Variants in RFX7 observed in about 807,000 individuals in gnomAD.
RFX7 encodes regulatory factor X7, also known as DNA-binding protein RFX7.
RFX7 carries 26 observed loss-of-function variants against 111.8 expected under a neutral mutation model. That is an observed-to-expected ratio of 0.23 (90% CI 0.17 to 0.32). The LOEUF (loss-of-function observed/expected upper bound fraction) is 0.32. RFX7 is among the 10% of genes least tolerant of loss of function. RFX7 has a pLI of 1.00. For missense variants in RFX7, 1,573 were observed against 1,772.9 expected (o/e 0.89, Z 2.02); for synonymous variants, 624 against 624.4 (o/e 1.00, Z 0.01).
intron 5 of RFX7, among the ~76,000 whole-genome samples, chr15:56,135,689 C>A (rs2042291207): frequency 6.6e-6 from 1 of 151,998 alleles, no homozygotes; most frequent in Non-Finnish European, 1.5e-5. Context: ...AAGTCCTTGC[C>A]CATGCCTATG....
chr15:56,094,890 G>T lies in RFX7; in HGVS notation c.2838C>A (p.His946Gln), dbSNP rs775476795. Residue 946 changes from histidine (H) to glutamine (Q), a missense_variant, in exon 10 of 10, where the codon CAC becomes CAA. His to Gln is a conservative substitution (Grantham distance 24, BLOSUM62 0). Around this residue, in one of 7 missense-constraint regions of RFX7, gnomAD observed 625 missense variants for 632.2 expected, o/e 0.99. Coordinates refer to ENST00000559447, the MANE Select transcript of RFX7 (RefSeq NM_022841.7). ...TGGGTGTGGGTGTGGGTGTGGGTGT[G>T]TGGATTGGAGTGCCATTGCTGTGGA... ...HPIHSNGTPI[H>Q]TPTPTPTPTP... 3 of 1,563,710 alleles carry T rather than the reference G, an allele frequency of 1.9e-6. No homozygotes were observed. The Admixed American group carries it at 5.7e-5, about 30-fold the overall frequency.
chr15:56,155,904 G>A (rs1249168269), intron 3 of RFX7, among the ~76,000 whole-genome samples: 4 of 151,922 alleles, frequency 2.6e-5, no homozygotes, highest in African/African-American at 7.3e-5. Context: ...TTATCAGAAT[G>A]GGGTATGGGC....
intron 2 of RFX7, among the ~76,000 whole-genome samples, chr15:56,232,609 C>T (rs563044878): frequency 3.9e-5 from 6 of 152,280 alleles, no homozygotes; most frequent in South Asian, 2.1e-4. Flanking sequence ...TCTAATACAT[C>T]GTCAGGCTGC....
At chr15:56,158,833 C>T (rs936310022) in intron 3 of RFX7, among the ~76,000 whole-genome samples, 1 of 151,964 alleles carries the variant, frequency 6.6e-6, no homozygotes, top group African/African-American at 2.4e-5. Context: ...AACAAAACAA[C>T]CCACCCCCAA....
chr15:56,108,439 A>G (rs1455656833), intron 5 of RFX7, among the ~76,000 whole-genome samples: 1 of 152,254 alleles, frequency 6.6e-6, no homozygotes, highest in Non-Finnish European at 1.5e-5. Context: ...AACAGAACCA[A>G]TGACAAAAAC....
chr15:56,182,698 A>G (rs2042988236), intron 2 of RFX7, among the ~76,000 whole-genome samples: 5 of 152,138 alleles, frequency 3.3e-5, no homozygotes, highest in Admixed American at 2.6e-4. Flanking sequence ...AACTACTAAA[A>G]ATTATCCCAT....
chr15:56,213,489 T>G (rs1363749810), intron 2 of RFX7, among the ~76,000 whole-genome samples: 6 of 152,186 alleles, frequency 3.9e-5, no homozygotes, highest in African/African-American at 1.4e-4. Flanking sequence ...ACAAAAGCTT[T>G]AGAAATGGGG....
At position 56,088,219 on chromosome 15, in the gene RFX7, A is replaced by G. The variant is rs770910018; in HGVS notation, c.*5126T>C. On this transcript the variant is annotated 3_prime_UTR_variant, in exon 10 of 10. Transcript: ENST00000559447. The stretch of plus-strand genomic sequence containing the variant: ...TGCAGTAGGTACACTGTGAACACAT[A>G]TCTTAAGTATAGCATAATGGTATGA... 1.3e-5 allele frequency: 2 copies of G among 158,344 alleles called. No individual in the cohort carries two copies. The highest frequency in any genetic ancestry group is 2.8e-5 in the Non-Finnish European group (2 of 71,746). The allele number at this position is 158,344 out of a possible 1,614,324, so 9.8% of individuals were successfully genotyped here. A position where few individuals can be genotyped will look rare whatever the true frequency, so the allele number is the denominator to read the frequency against.
intron 2 of RFX7, among the ~76,000 whole-genome samples, chr15:56,212,766 AAT>A (rs552031313): frequency 9.1e-4 from 139 of 152,346 alleles, no homozygotes; most frequent in African/African-American, 3.1e-3. Flanking sequence ...ATATGTTAAA[AAT>A]AGAGTATGTT....
At chr15:56,110,382 C>A (rs1415640618) in intron 5 of RFX7, among the ~76,000 whole-genome samples, 1 of 117,632 alleles carries the variant, frequency 8.5e-6, no homozygotes, top group Non-Finnish European at 1.9e-5. Flanking sequence ...GGGGGGTCAG[C>A]CCCCCGCCCG....
intron 2 of RFX7, among the ~76,000 whole-genome samples, chr15:56,197,362 T>C (rs563154011): frequency 6.6e-6 from 1 of 152,322 alleles, no homozygotes; most frequent in African/African-American, 2.4e-5. Context: ...TTTATTTTAA[T>C]ATAGTCAAAT....
intron 2 of RFX7, among the ~76,000 whole-genome samples, chr15:56,179,988 C>A (rs1019729821): frequency 3.3e-5 from 5 of 151,958 alleles, no homozygotes; most frequent in Non-Finnish European, 7.4e-5. Flanking sequence ...ACAAATGAAG[C>A]CAGTATAAAA....
intron 2 of RFX7, among the ~76,000 whole-genome samples, chr15:56,240,729 G>T (rs2043680248): frequency 6.6e-6 from 1 of 152,044 alleles, no homozygotes; most frequent in South Asian, 2.1e-4. Context: ...TGGCACCAAA[G>T]GATGATTCAG....
chr15:56,198,682 G>T (rs774937101), intron 2 of RFX7, among the ~76,000 whole-genome samples: 4 of 152,076 alleles, frequency 2.6e-5, no homozygotes, highest in Non-Finnish European at 4.4e-5. Flanking sequence ...TAGCCATAAG[G>T]ACACTGATTC....
chr15:56,177,060 TTTTC>T (rs1207960899), intron 3 of RFX7, among the ~76,000 whole-genome samples: 1 of 152,158 alleles, frequency 6.6e-6, no homozygotes, highest in Non-Finnish European at 1.5e-5. Context: ...CTGCTTGAAC[TTTTC>T]TATCATTCTC....
intron 2 of RFX7, among the ~76,000 whole-genome samples, chr15:56,189,572 A>C (rs2043079554): frequency 6.6e-6 from 1 of 152,226 alleles, no homozygotes. Flanking sequence ...CAATTAATAA[A>C]GAGCAAACAA....
chr15:56,242,488 T>C (rs1049336661), intron 2 of RFX7, among the ~76,000 whole-genome samples: 1 of 152,174 alleles, frequency 6.6e-6, no homozygotes, highest in Non-Finnish European at 1.5e-5. Context: ...TGATTCCCTA[T>C]ATTTTAATTT....
At chr15:56,174,886 G>C (rs1195089131) in intron 3 of RFX7, among the ~76,000 whole-genome samples, 1 of 152,122 alleles carries the variant, frequency 6.6e-6, no homozygotes, top group East Asian at 1.9e-4. Flanking sequence ...TATGGTGAAT[G>C]AATCACTGTT....
chr15:56,160,996 G>A (rs527826301), intron 3 of RFX7, among the ~76,000 whole-genome samples: 28 of 152,070 alleles, frequency 1.8e-4, no homozygotes, highest in Non-Finnish European at 3.2e-4. Flanking sequence ...CTGTATTATC[G>A]TGAGGATTTG....
Sources: allele counts gnomAD v4.1 joint callset (sites outside exome capture counted in the v4.1 genomes callset), GRCh38; gene constraint gnomAD v4.1.1; regional missense constraint gnomAD v4.1.1; transcripts MANE v1.5; gene names NCBI Gene and HGNC (gene_info 2026-07-23, HGNC 2026-07-21).